Variants in RFTN1 observed in about 807,000 individuals in gnomAD.
RFTN1 encodes raftlin.
In RFTN1, 26 loss-of-function variants were observed where a neutral mutation model predicts 46.5. The ratio of observed to expected loss-of-function variants is 0.56; its 90% confidence interval spans 0.41 to 0.78. RFTN1 has a LOEUF of 0.78. Among genes scored for constraint, RFTN1 ranks in the 30% least tolerant of loss-of-function variants. The probability of loss-of-function intolerance (pLI) is 0.00; values close to 1 mark genes in which losing one functional copy is unlikely to be tolerated. For synonymous variants in RFTN1, 261 were observed against 284.2 expected (o/e 0.92, Z 0.82); for missense variants, 693 against 718.7 (o/e 0.96, Z 0.41).
chr3:16,391,857 GGTTTTTTTTTT>G (rs1341919264), intron 4 of RFTN1, among the ~76,000 whole-genome samples: 3 of 110,082 alleles, frequency 2.7e-5, no homozygotes, highest in South Asian at 3.6e-4. Context: ...CTAGTGCAAA[GGTTTTTTTTTT>G]GTTTTTTTTT....
rs1412849658 is a variant in RFTN1 at position 16,334,852 on chromosome 3, C to T, written c.1147-7976G>A. ...GTTTATCCAGGATTATCCAGGTGTGCCCAGTATAATCACAGGGGTCCTTAT... is the reference window on the plus strand; with the variant it reads ...GTTTATCCAGGATTATCCAGGTGTGTCCAGTATAATCACAGGGGTCCTTAT... On this transcript the variant is annotated intron_variant, in intron 7 of 9. Coordinates refer to ENST00000334133, the MANE Select transcript of RFTN1 (RefSeq NM_015150.2). This position sits in a 1 kb window ranked among gnomAD's most constrained non-coding sequence, Gnocchi z 4.3. Among the ~76,000 whole-genome samples, 7 of 152,124 alleles carry T rather than the reference C, an allele frequency of 4.6e-5. No individual in the cohort carries two copies. Among genetic ancestry groups the T allele is most frequent in the Non-Finnish European group, 1.0e-4 (7 of 68,036 alleles).
intron 7 of RFTN1, among the ~76,000 whole-genome samples, chr3:16,355,696 C>G (rs1199391633): frequency 2.6e-5 from 4 of 152,220 alleles, no homozygotes; most frequent in African/African-American, 9.6e-5. Context: ...GCAGGGCCTG[C>G]TAAAACGCAG....
At position 16,425,431 on chromosome 3, in the gene RFTN1, T is replaced by C. The variant is rs375180455; in HGVS notation, c.332+8420A>G. ...TTTCAAAATAGTTCTGGGGAGAGGG[T>C]GGAAATCACTAGTGTGCTAATTCTC... On this transcript the variant is annotated intron_variant, in intron 3 of 9. Transcript: ENST00000334133. This position sits in a 1 kb window ranked among gnomAD's most constrained non-coding sequence, Gnocchi z 4.3. Among the ~76,000 whole-genome samples, 2 of 152,040 alleles carry C rather than the reference T, an allele frequency of 1.3e-5. No individual in the cohort carries two copies. The highest frequency in any genetic ancestry group is 1.9e-4 in the East Asian group (1 of 5,188).
At chr3:16,365,574 T>A (rs561596461) in intron 6 of RFTN1, among the ~76,000 whole-genome samples, 13 of 152,294 alleles carry the variant, frequency 8.5e-5, no homozygotes, top group African/African-American at 3.1e-4. Flanking sequence ...ATACTTGGAT[T>A]TAGATGCAGC....
At position 16,424,536 on chromosome 3, in the gene RFTN1, T is replaced by G. The variant is rs995998262; in HGVS notation, c.332+9315A>C. Among the ~76,000 whole-genome samples the G allele has an allele frequency of 2.6e-5, 4 of 152,122 alleles. No homozygotes were observed. Among genetic ancestry groups the G allele is most frequent in the African/African-American group, 9.7e-5 (4 of 41,432 alleles). On this transcript the variant is annotated intron_variant, in intron 3 of 9. Transcript: ENST00000334133. The surrounding 1 kb of genome is among the most constrained non-coding windows in gnomAD (Gnocchi z 4.7). ...GTGCTCTCAGACTCTCAGAAACAGG[T>G]GTTATGTGAATACAAGCTGCTAATT...
intron 2 of RFTN1, among the ~76,000 whole-genome samples, chr3:16,461,493 G>C (rs1273125228): frequency 6.6e-6 from 1 of 152,090 alleles, no homozygotes; most frequent in South Asian, 2.1e-4. Context: ...TAAATACCTA[G>C]GGTTTTTCTG....
At chr3:16,497,941 G>C (rs1422784429) in intron 1 of RFTN1, among the ~76,000 whole-genome samples, 1 of 152,108 alleles carries the variant, frequency 6.6e-6, no homozygotes, top group Admixed American at 6.5e-5. Flanking sequence ...GTTTGGAAAG[G>C]GTTGGGGTGG....
intron 1 of RFTN1, among the ~76,000 whole-genome samples, chr3:16,497,885 G>C (rs2076649637): frequency 6.6e-6 from 1 of 152,128 alleles, no homozygotes. Context: ...TAAAGGACAG[G>C]TTCCCTGATA....
rs2075124794 is a variant in RFTN1, at chr3:16,418,461, T to C, written c.333-8978A>G. ...TATGAAAAGGAGAGAGAATGTGCAG[T>C]TCATCAGTAGGGTTATTTTTGCTTC... On this transcript the variant is annotated intron_variant, in intron 3 of 9. Coordinates refer to ENST00000334133, the MANE Select transcript of RFTN1 (RefSeq NM_015150.2). This position sits in a 1 kb window ranked among gnomAD's most constrained non-coding sequence, Gnocchi z 5.0. Among the ~76,000 whole-genome samples, 1 of 152,086 alleles carries C rather than the reference T, an allele frequency of 6.6e-6. No homozygotes were observed. Among genetic ancestry groups the C allele is most frequent in the South Asian group, 2.1e-4 (1 of 4,820 alleles).
chr3:16,375,149 G>A (rs1327627629), intron 5 of RFTN1, among the ~76,000 whole-genome samples: 1 of 152,132 alleles, frequency 6.6e-6, no homozygotes, highest in Admixed American at 6.5e-5. Context: ...CCCTCCCTTA[G>A]GGGGCTCTGA....
At chr3:16,397,012 G>T (rs955217612) in intron 4 of RFTN1, among the ~76,000 whole-genome samples, 1 of 148,406 alleles carries the variant, frequency 6.7e-6, no homozygotes, top group African/African-American at 2.5e-5. Context: ...GCAGTGAACT[G>T]AGATTTCACC....
Position 16,377,731 on chromosome 3 carries a change from C to T in RFTN1, c.813G>A (p.Glu271=). ...PESNPLEVHE[E]PLSGKMEIFT... is the part of the protein sequence containing the mutation. ...TGACATACTTACTCCCTGAGAGTGG[C>T]TCTTCATGCACCTCCAAGGGGTTGC... The change falls in exon 5 of 10, where the codon GAG becomes GAA. Residue 271 remains glutamate (E), a synonymous_variant. Transcript: ENST00000334133. 6.3e-7 allele frequency: 1 copy of T among 1,593,142 alleles called. No homozygotes were observed. Among genetic ancestry groups the T allele is most frequent in the Non-Finnish European group, 8.6e-7 (1 of 1,164,004 alleles).
rs1165716700 is a variant in RFTN1, at chr3:16,407,493, C to A, written c.441+1882G>T. Among the ~76,000 whole-genome samples, 1 of 152,122 alleles carries A rather than the reference C, an allele frequency of 6.6e-6. No individual in the cohort carries two copies. Among genetic ancestry groups the A allele is most frequent in the Non-Finnish European group, 1.5e-5 (1 of 68,028 alleles). On this transcript the variant is annotated intron_variant, in intron 4 of 9. Transcript: ENST00000334133. The surrounding 1 kb of genome is among the most constrained non-coding windows in gnomAD (Gnocchi z 4.0). ...CCAGCTGAGCCACTGTGCCCAGCCT[C>A]AAATCACATGTTTTTAAAAAGCATA...
chr3:16,420,267 G>T (rs918111630), intron 3 of RFTN1, among the ~76,000 whole-genome samples: 2 of 152,162 alleles, frequency 1.3e-5, no homozygotes, highest in Non-Finnish European at 2.9e-5. Flanking sequence ...CTGGGGGAGG[G>T]TCCTGCTTTC....
intron 6 of RFTN1, among the ~76,000 whole-genome samples, chr3:16,366,068 G>C (rs2073149280): frequency 6.6e-6 from 1 of 152,176 alleles, no homozygotes; most frequent in Non-Finnish European, 1.5e-5. Flanking sequence ...ACAGGAGTGG[G>C]CAGGGGTGTG....
rs180680092 is a variant in RFTN1 at position 16,468,462 on chromosome 3, C to T, written c.145+25263G>A. 1.3e-3 allele frequency among the ~76,000 whole-genome samples: 194 copies of T among 152,214 alleles called. No homozygotes were observed. The highest frequency in any genetic ancestry group is 2.5e-3 in the South Asian group (12 of 4,816). ...CACTGACAGAGTGAAGGGCACGTTTCTCCCTTTGGTGGGATTTTCTCTTCC... is the reference window on the plus strand; with the variant it reads ...CACTGACAGAGTGAAGGGCACGTTTTTCCCTTTGGTGGGATTTTCTCTTCC... On this transcript the variant is annotated intron_variant, in intron 2 of 9. Transcript: ENST00000334133. The surrounding 1 kb of genome is among the most constrained non-coding windows in gnomAD (Gnocchi z 4.4).
chr3:16,324,469 T>C (rs2069455053), intron 8 of RFTN1, among the ~76,000 whole-genome samples: 1 of 152,138 alleles, frequency 6.6e-6, no homozygotes, highest in Non-Finnish European at 1.5e-5. Flanking sequence ...GTAAACACCA[T>C]TCTACTCTCT....
At chr3:16,490,840 A>C (rs1334384201) in intron 2 of RFTN1, among the ~76,000 whole-genome samples, 1 of 152,236 alleles carries the variant, frequency 6.6e-6, no homozygotes, top group Non-Finnish European at 1.5e-5. Flanking sequence ...GAGCATAGGC[A>C]TGACAGGTGC....
Position 16,361,479 on chromosome 3 carries a change from C to T in RFTN1, c.1031-3432G>A, listed in dbSNP as rs976667772. Among the ~76,000 whole-genome samples, 1 of 152,094 alleles carries T rather than the reference C, an allele frequency of 6.6e-6. No homozygotes were observed. The highest frequency in any genetic ancestry group is 1.5e-5 in the Non-Finnish European group (1 of 68,012). On this transcript the variant is annotated intron_variant, in intron 6 of 9. Transcript: ENST00000334133. This position sits in a 1 kb window ranked among gnomAD's most constrained non-coding sequence, Gnocchi z 4.3. ...GCCAAGGGGAGAGTGTGAAGGTGGACACAGTGGTGGTGGCTATTTTTGAAA... is the reference window on the plus strand; with the variant it reads ...GCCAAGGGGAGAGTGTGAAGGTGGATACAGTGGTGGTGGCTATTTTTGAAA...
Sources: allele counts gnomAD v4.1 joint callset (sites outside exome capture counted in the v4.1 genomes callset), GRCh38; gene constraint gnomAD v4.1.1; non-coding constraint Gnocchi (gnomAD v3.1); transcripts MANE v1.5; gene names NCBI Gene and HGNC (gene_info 2026-07-23, HGNC 2026-07-21).